Variants in LUZP2 observed in about 807,000 individuals in gnomAD.
LUZP2 encodes the protein leucine zipper protein 2.
A neutral mutation model predicts 51.6 loss-of-function variants in LUZP2; 52 were observed. That is an observed-to-expected ratio of 1.01 (90% confidence interval 0.81 to 1.27). The LOEUF (loss-of-function observed/expected upper bound fraction) is 1.27, where lower values mean the gene tolerates loss of function less well. Among genes scored for constraint, LUZP2 ranks in the 50% most tolerant of loss-of-function variants. The pLI is 0.00. For synonymous variants in LUZP2, 154 were observed against 137.3 expected, an observed-to-expected ratio of 1.12 and a Z score of -0.85; for missense variants, 436 against 395.4, an observed-to-expected ratio of 1.10 and a Z score of -0.87.
At chr11:24,504,823 G>T (rs1850101746) in intron 1 of LUZP2, among the ~76,000 whole-genome samples, 1 of 152,024 alleles carries the variant, frequency 6.6e-6, no homozygotes, top group Admixed American at 6.6e-5. Context: ...TGGGGCCAGG[G>T]CAAGCGGGGA....
intron 1 of LUZP2, among the ~76,000 whole-genome samples, chr11:24,641,835 C>A (rs1331268692): frequency 1.3e-5 from 2 of 151,836 alleles, no homozygotes; most frequent in Admixed American, 1.3e-4. Flanking sequence ...TAACACATTT[C>A]AAAATGTCAA....
At chr11:25,012,604 T>G (rs1000155274) in intron 9 of LUZP2, among the ~76,000 whole-genome samples, 11 of 152,108 alleles carry the variant, frequency 7.2e-5, no homozygotes, top group Non-Finnish European at 1.3e-4. Flanking sequence ...TTATTTCCAC[T>G]GCATTATGAA....
rs372296147 is a variant in LUZP2 at position 24,757,788 on chromosome 11, G to T, written c.334-5458G>T. The stretch of plus-strand genomic sequence containing the variant: ...AGGCCATATTCACAATTTGAAGTAT[G>T]ATCAGCAACTTTCAACTAATTAATT... On this transcript the variant is annotated intron_variant, in intron 4 of 11. Transcript: ENST00000336930. 1.1e-4 allele frequency among the ~76,000 whole-genome samples: 16 copies of T among 152,040 alleles called. No individual in the cohort carries two copies. The South Asian group carries it at 2.3e-3, about 22-fold the overall frequency.
intron 5 of LUZP2, among the ~76,000 whole-genome samples, chr11:24,800,636 T>C (rs186682714): frequency 6.6e-6 from 1 of 152,018 alleles, no homozygotes; most frequent in Non-Finnish European, 1.5e-5. Context: ...CTTATCTTCC[T>C]CATGCATCTC....
At chr11:24,521,142 G>C (rs146970781) in intron 1 of LUZP2, among the ~76,000 whole-genome samples, 107 of 152,274 alleles carry the variant, frequency 7.0e-4, no homozygotes, top group African/African-American at 2.4e-3. Context: ...CCTGAGGTCA[G>C]AAGTTTGGGA....
intron 5 of LUZP2, among the ~76,000 whole-genome samples, chr11:24,777,042 T>G (rs1032621895): frequency 3.5e-4 from 53 of 150,364 alleles, no homozygotes; most frequent in Non-Finnish European, 6.0e-4. Flanking sequence ...TCGCCCAGGC[T>G]GGAGTGCAGT....
chr11:24,875,044 C>T (rs12785676), intron 5 of LUZP2, among the ~76,000 whole-genome samples: 63,251 of 151,860 alleles, frequency 0.42, 13,565 homozygotes, highest in Non-Finnish European at 0.47. Context: ...ACAGAGGAGA[C>T]GCTAGCCCCT....
chr11:24,832,403 T>C (rs1486729), intron 5 of LUZP2, among the ~76,000 whole-genome samples: 140,934 of 151,958 alleles, frequency 0.93, 66,054 homozygotes, highest in East Asian at 1. Context: ...ATAAAATAGA[T>C]ATTATTATAA....
intron 1 of LUZP2, among the ~76,000 whole-genome samples, chr11:24,581,724 T>C (rs1852863722): frequency 8.0e-6 from 1 of 125,006 alleles, no homozygotes; most frequent in South Asian, 2.6e-4. Context: ...AATATAAATA[T>C]AAATATAAAT....
chr11:24,759,435 T>C (rs1859900105), intron 4 of LUZP2, among the ~76,000 whole-genome samples: 1 of 152,176 alleles, frequency 6.6e-6, no homozygotes, highest in Non-Finnish European at 1.5e-5. Flanking sequence ...GTTCAAAATA[T>C]ATTTTATGTC....
intron 1 of LUZP2, among the ~76,000 whole-genome samples, chr11:24,634,345 G>C (rs529402715): frequency 7.9e-5 from 12 of 151,990 alleles, no homozygotes; most frequent in Non-Finnish European, 1.2e-4. Flanking sequence ...TTATGGTAGA[G>C]GTCCTAAACT....
At chr11:24,925,875 CA>C (rs952665640) in intron 7 of LUZP2, among the ~76,000 whole-genome samples, 27 of 151,922 alleles carry the variant, frequency 1.8e-4, no homozygotes, top group African/African-American at 6.5e-4. Context: ...AATGTGTAGT[CA>C]TTTATCCCTC....
intron 6 of LUZP2, among the ~76,000 whole-genome samples, chr11:24,908,734 C>A (rs1853536276): frequency 6.7e-6 from 1 of 149,362 alleles, no homozygotes; most frequent in African/African-American, 2.5e-5. Context: ...CAGGAAGTTG[C>A]TTTTTTTGTT....
At position 24,845,950 on chromosome 11, in the gene LUZP2, A is replaced by G. The variant is rs551674986; in HGVS notation, c.397-60041A>G. Among the ~76,000 whole-genome samples the G allele has an allele frequency of 1.1e-4, 17 of 152,310 alleles. No individual in the cohort carries two copies. The South Asian group carries it at 3.5e-3, about 32-fold the overall frequency. On this transcript the variant is annotated intron_variant, in intron 5 of 11. Coordinates refer to ENST00000336930, the MANE Select transcript of LUZP2 (RefSeq NM_001009909.4). ...ATAAAGCTACTAACAAAATAGAACT[A>G]GATAGGAATTTACTTAACATGCTAT...
chr11:24,642,257 ATTAG>A (rs1554967048), intron 1 of LUZP2, among the ~76,000 whole-genome samples: 1 of 151,866 alleles, frequency 6.6e-6, no homozygotes, highest in Non-Finnish European at 1.5e-5. Context: ...TTACACAACA[ATTAG>A]ACTGTTTTGT....
chr11:24,742,057 T>TTTTATATATATA lies in LUZP2; in HGVS notation c.333+3756_333+3757insTTATATATATAT, dbSNP rs571183533. 8.5e-3 allele frequency among the ~76,000 whole-genome samples: 991 copies of TTTTATATATATA among 116,296 alleles called. 66 individuals are homozygous for TTTTATATATATA. Among genetic ancestry groups the TTTTATATATATA allele is most frequent in the African/African-American group, 0.026 (615 of 23,840 alleles). The allele number at this position is 116,296 out of a possible 152,430, so 76.3% of individuals were successfully genotyped here. A position where few individuals can be genotyped will look rare whatever the true frequency, so the allele number is the denominator to read the frequency against. Reference sequence around the variant, plus strand: ...TATAAATACATAAAAATAAATATAATTATATATATATATATATATCACCAT... The same window carrying TTTTATATATATA: ...TATAAATACATAAAAATAAATATAATTTTATATATATATATATATATATATATATATCACCAT... On this transcript the variant is annotated intron_variant, in intron 4 of 11. Transcript: ENST00000336930.
At chr11:24,898,502 T>C (rs938457208) in intron 5 of LUZP2, among the ~76,000 whole-genome samples, 1 of 152,082 alleles carries the variant, frequency 6.6e-6, no homozygotes, top group Non-Finnish European at 1.5e-5. Flanking sequence ...TGGGCGCCTG[T>C]AGTCCCGCTA....
intron 6 of LUZP2, among the ~76,000 whole-genome samples, chr11:24,911,511 G>T (rs2133796780): frequency 6.6e-6 from 1 of 152,194 alleles, no homozygotes; most frequent in South Asian, 2.1e-4. Flanking sequence ...AGATCCAATG[G>T]TTTTTTAAGC....
intron 10 of LUZP2, among the ~76,000 whole-genome samples, chr11:25,072,102 CT>C (rs139928733): frequency 7.9e-5 from 12 of 152,110 alleles, no homozygotes; most frequent in Admixed American, 2.0e-4. Context: ...AGAACTTCCC[CT>C]GATAGATAAT....
Sources: allele counts gnomAD v4.1 joint callset (sites outside exome capture counted in the v4.1 genomes callset), GRCh38; gene constraint gnomAD v4.1.1; transcripts MANE v1.5; gene names NCBI Gene and HGNC (gene_info 2026-07-23, HGNC 2026-07-21).